ABCC9: variants seen among roughly 807,000 people sequenced by gnomAD.
The protein encoded by ABCC9 is ATP-binding cassette sub-family C member 9.
In ABCC9, 95 loss-of-function variants were observed where a neutral mutation model predicts 188.3. That is an observed-to-expected ratio of 0.50 (90% CI 0.43 to 0.60). The LOEUF (loss-of-function observed/expected upper bound fraction) is 0.60. Among genes scored for constraint, ABCC9 ranks in the 20% least tolerant of loss-of-function variants. The pLI is 0.00. For synonymous variants in ABCC9, 659 were observed against 652.7 expected (o/e 1.01, Z -0.15); for missense variants, 1,102 against 1,876.3 (o/e 0.59, Z 7.62).
chr12:21,848,349 C>G, intron 24 of ABCC9, 103 bp from the exon 25 acceptor site: 1 of 988,014 alleles, frequency 1.0e-6, no homozygotes, highest in Non-Finnish European at 1.6e-6. Context: ...CTTTACCAAT[C>G]TCAAGCGCTC....
intron 30 of ABCC9, among the ~76,000 whole-genome samples, chr12:21,832,036 A>C (rs1283817): frequency 0.56 from 84,850 of 152,022 alleles, 24,093 homozygotes; most frequent in Admixed American, 0.64. Context: ...AAATGCAGTG[A>C]ACATTCTTTC....
chr12:21,915,514 A>ATATATATTTTTTTTTT, intron 7 of ABCC9, among the ~76,000 whole-genome samples, 154 bp downstream of exon 7: 1 of 3,520 alleles, frequency 2.8e-4, no homozygotes, highest in African/African-American at 1.1e-3. Flanking sequence ...ATATATATAT[A>ATATATATTTTTTTTTT]TTTTTTTTTT....
intron 22 of ABCC9, among the ~76,000 whole-genome samples, chr12:21,857,184 G>A (rs1945268573): frequency 6.6e-6 from 1 of 152,154 alleles, no homozygotes; most frequent in African/African-American, 2.4e-5. Flanking sequence ...TATCTGAGCT[G>A]AGCAGTGTGC....
At chr12:21,904,525 C>T (rs1467422399) in intron 12 of ABCC9, among the ~76,000 whole-genome samples, 1 of 152,112 alleles carries the variant, frequency 6.6e-6, no homozygotes, top group East Asian at 1.9e-4. Flanking sequence ...TTGCAATCTA[C>T]TCATCTGACA....
intron 3 of ABCC9, 136 bp downstream of exon 3, chr12:21,936,397 A>C (rs1949488341): frequency 1.2e-6 from 1 of 801,318 alleles, no homozygotes; most frequent in Admixed American, 2.9e-5. Context: ...TGAAAAACAC[A>C]AAATACTTGC....
In ABCC9 at chr12:21,910,807, A is replaced by C; in HGVS notation, c.1164+19T>G. 1 of 1,599,518 alleles carries C rather than the reference A, an allele frequency of 6.3e-7. No individual in the cohort carries two copies. Among genetic ancestry groups the C allele is most frequent in the Non-Finnish European group, 8.6e-7 (1 of 1,167,066 alleles). On this transcript the variant is annotated intron_variant, in intron 9 of 39. Transcript: ENST00000261200. ...ATAGCATTCTTAGGAAACAAATAGTATTCACAGCCTTTACATACCAGCAGA... is the reference window on the plus strand; with the variant it reads ...ATAGCATTCTTAGGAAACAAATAGTCTTCACAGCCTTTACATACCAGCAGA...
At chr12:21,838,839 C>T (rs1456287242) in intron 29 of ABCC9, among the ~76,000 whole-genome samples, 1 of 152,122 alleles carries the variant, frequency 6.6e-6, no homozygotes, top group Non-Finnish European at 1.5e-5. Flanking sequence ...TTGAGACCAG[C>T]CTGGCCAACA....
intron 5 of ABCC9, among the ~76,000 whole-genome samples, chr12:21,920,572 A>G (rs1205267494): frequency 1.3e-5 from 2 of 152,036 alleles, no homozygotes; most frequent in East Asian, 1.9e-4. Flanking sequence ...AAATAATCCA[A>G]TTGTACTCTT....
At chr12:21,901,518 TAA>T (rs1317327005) in intron 12 of ABCC9, among the ~76,000 whole-genome samples, 2 of 152,048 alleles carry the variant, frequency 1.3e-5, no homozygotes, top group South Asian at 2.1e-4. Context: ...GCAAATTGGA[TAA>T]AGAGTCATGA....
intron 18 of ABCC9, among the ~76,000 whole-genome samples, chr12:21,868,328 C>T (rs749251517): frequency 2.6e-5 from 4 of 152,172 alleles, no homozygotes; most frequent in Non-Finnish European, 5.9e-5. Context: ...CATGCCTGTG[C>T]ATGAGGACAC....
intron 21 of ABCC9, among the ~76,000 whole-genome samples, chr12:21,860,130 C>G (rs1945432109): frequency 6.6e-6 from 1 of 152,038 alleles, no homozygotes; most frequent in Non-Finnish European, 1.5e-5. Context: ...TTAGTATGTG[C>G]CAGACTTGTG....
intron 5 of ABCC9, chr12:21,923,489 A>G (rs2137980491): frequency 4.7e-6 from 1 of 211,302 alleles, no homozygotes; most frequent in East Asian, 1.0e-4. Flanking sequence ...ATGAATAGCC[A>G]CATCCCAAAG....
At chr12:21,846,242 G>A (rs1944663930) in intron 25 of ABCC9, among the ~76,000 whole-genome samples, 1 of 152,146 alleles carries the variant, frequency 6.6e-6, no homozygotes, top group Non-Finnish European at 1.5e-5. Context: ...TCTGTGCATA[G>A]CACAAGAGGG....
At chr12:21,913,315 T>C (rs1376376129) in intron 7 of ABCC9, among the ~76,000 whole-genome samples, 1 of 152,184 alleles carries the variant, frequency 6.6e-6, no homozygotes, top group African/African-American at 2.4e-5. Flanking sequence ...ACAGTTTTTC[T>C]AAGACTCTGT....
chr12:21,817,558 T>C (rs1942727809), intron 32 of ABCC9, among the ~76,000 whole-genome samples: 1 of 152,188 alleles, frequency 6.6e-6, no homozygotes, highest in Admixed American at 6.5e-5. Flanking sequence ...GCATGATGGA[T>C]AGTGGTATAC....
intron 20 of ABCC9, among the ~76,000 whole-genome samples, 171 bp from the exon 21 acceptor site, chr12:21,861,226 C>CA (rs372155001): frequency 0.55 from 79,422 of 145,204 alleles, 22,409 homozygotes; most frequent in East Asian, 0.69. Context: ...TACTACTTCC[C>CA]CCCCCTTTTT....
chr12:21,828,501 T>C (rs746598537), intron 31 of ABCC9: 65 of 228,326 alleles, frequency 2.8e-4, no homozygotes, highest in Admixed American at 3.1e-4. Context: ...TCTTCTACAT[T>C]ATGCAAGACA....
In ABCC9 at chr12:21,906,367, T is replaced by C; in HGVS notation, c.1456-79A>G. 3 of 1,446,148 alleles carry C rather than the reference T, an allele frequency of 2.1e-6. No individual in the cohort carries two copies. In the South Asian group the frequency reaches 3.7e-5, roughly 18 times the overall value. 89.6% of individuals were successfully genotyped at this position (1,446,148 alleles called of 1,614,324 possible). ...GGCAGAACCATGTAATGGACAGGGA[T>C]TGAGGAGACCTTGATTTCAGACTGG... On this transcript the variant is annotated intron_variant, in intron 11 of 39. Coordinates refer to ENST00000261200, the MANE Select transcript of ABCC9 (RefSeq NM_020297.4).
At position 21,805,265 on chromosome 12, in the gene ABCC9, G is replaced by C. The variant is rs1416247885; in HGVS notation, c.4512+733C>G. The C allele has an allele frequency of 6.2e-7, 1 of 1,614,008 alleles. No homozygotes were observed. The highest frequency in any genetic ancestry group is 8.5e-7 in the Non-Finnish European group (1 of 1,179,972). ...ATCACACTCCACTAAAATACCCTCA[G>C]AAAAGACTAAAACAAGGCCTGCATC... is the stretch of plus-strand genomic sequence containing the variant. On this transcript the variant is annotated intron_variant, in intron 39 of 39. Coordinates refer to ENST00000261200, the MANE Select transcript of ABCC9 (RefSeq NM_020297.4).
Sources: gnomAD v4.1 joint callset for allele counts (sites outside exome capture counted in the v4.1 genomes callset) on GRCh38, gnomAD v4.1.1 for gene constraint, MANE v1.5 for transcripts, NCBI Gene and HGNC (gene_info 2026-07-23, HGNC 2026-07-21) for gene names.